The following FBXW10 variants were observed in gnomAD, a reference collection of about 807,000 sequenced individuals.
The protein encoded by FBXW10 is F-box and WD repeat domain containing 10.
Under a neutral mutation model 113.1 loss-of-function variants are expected in FBXW10, and 68 were observed. The ratio of observed to expected loss-of-function variants is 0.60; its 90% CI spans 0.49 to 0.74. The LOEUF (loss-of-function observed/expected upper bound fraction) is 0.74. Ranked by LOEUF, FBXW10 falls within the 30% of genes least tolerant of loss-of-function variation. The pLI, the probability that FBXW10 is intolerant of heterozygous loss-of-function variation, is 0.00. For missense variants in FBXW10, 753 were observed against 1,284.5 expected (o/e 0.59, Z 6.32); for synonymous variants, 289 against 481.6 (o/e 0.60, Z 5.24).
In FBXW10 at chr17:18,744,461, T is replaced by C. The variant is rs776223797; in HGVS notation, c.217T>C (p.Phe73Leu). The C allele has an allele frequency of 1.9e-5, 30 of 1,613,604 alleles. No homozygotes were observed. In the East Asian group the frequency reaches 6.0e-4, roughly 32 times the overall value. ...AAATAGCTTATATTTGTTACACTAT[T>C]TCCAAAATATCCTTCAGACCACACA... ...QLNSLYLLHY[F>L]QNILQTTQGK... Residue 73 changes from phenylalanine (F) to leucine (L), a missense_variant, in exon 1 of 14, where the codon TTC (phenylalanine) becomes CTC (leucine). Physicochemically the swap from Phe to Leu is conservative, Grantham distance 22. Coordinates refer to ENST00000395665, the MANE Select transcript of FBXW10 (RefSeq NM_001267585.2).
rs1391073746 is a variant in FBXW10 at position 18,766,736 on chromosome 17, G to A, written c.1578G>A (p.Lys526=). The A allele has an allele frequency of 6.2e-7, 1 of 1,613,616 alleles. No homozygotes were observed. The highest frequency in any genetic ancestry group is 8.5e-7 in the Non-Finnish European group (1 of 1,179,720). The change falls in exon 9 of 14, where the codon AAG becomes AAA. Residue 526 remains lysine (K), a synonymous_variant. Transcript: ENST00000395665. ...QVKVWDVDTG[K]CLKTFRHKDP... ...CAGTATGGGATGTAGACACAGGGAA[G>A]TGCCTGAAGACGTTTAGACACAAAG...
At chr17:18,766,640 G>T (rs1353827406) in intron 8 of FBXW10, 74 bp from the exon 9 acceptor site, 6 of 1,509,828 alleles carry the variant, frequency 4.0e-6, no homozygotes, top group Non-Finnish European at 5.4e-6. Flanking sequence ...ATGGGGAGCA[G>T]AACTCCACTG....
chr17:18,744,262 A>G lies in FBXW10; in HGVS notation c.18A>G (p.Ser6=), dbSNP rs759102264. The change falls in exon 1 of 14, where the codon TCA becomes TCG. Residue 6 remains serine, a synonymous_variant. Coordinates refer to ENST00000395665, the MANE Select transcript of FBXW10 (RefSeq NM_001267585.2). ...TTAGGATCATGGAAAACCTGGAATC[A>G]AGGCTCAAGAATGCCCCCTATTTTC... MENLE[S]RLKNAPYFRC... 1.9e-6 allele frequency: 3 copies of G among 1,581,426 alleles called. No homozygotes were observed. The highest frequency in any genetic ancestry group is 2.7e-5 in the African/African-American group (2 of 72,918).
intron 13 of FBXW10, among the ~76,000 whole-genome samples, chr17:18,776,021 GA>G (rs71954242): frequency 3.3e-4 from 47 of 143,910 alleles, no homozygotes; most frequent in South Asian, 1.1e-3. Context: ...TTAAAGAAAA[GA>G]AAAAAAAAAA....
chr17:18,754,057 G>A (rs2035217691), intron 5 of FBXW10, among the ~76,000 whole-genome samples: 1 of 152,168 alleles, frequency 6.6e-6, no homozygotes, highest in Non-Finnish European at 1.5e-5. Flanking sequence ...GATGCCCGCA[G>A]CTCTGCATAC....
At chr17:18,753,266 A>G (rs2035203368) in intron 5 of FBXW10, among the ~76,000 whole-genome samples, 2 of 152,098 alleles carry the variant, frequency 1.3e-5, no homozygotes, top group African/African-American at 2.4e-5. Flanking sequence ...TCATGAGCAC[A>G]TTCCTTTCCA....
chr17:18,766,309 CTTTTT>C (rs766966483), intron 8 of FBXW10, among the ~76,000 whole-genome samples: 4 of 132,846 alleles, frequency 3.0e-5, no homozygotes, highest in Non-Finnish European at 6.5e-5. Flanking sequence ...CCATGATTTT[CTTTTT>C]TTTTTTTTAA....
In FBXW10 at chr17:18,775,166, G is replaced by T; in HGVS notation, c.2309G>T (p.Gly770Val). The change falls in exon 13 of 14, where the codon GGA becomes GTA. Residue 770 changes from glycine (G) to valine (V), a missense_variant. Coordinates refer to ENST00000395665, the MANE Select transcript of FBXW10 (RefSeq NM_001267585.2). ...AVLIEELQSQ[G>V]KSKSPRRDAD... is the part of the protein sequence containing the mutation. ...TTAATAGAGGAACTTCAAAGTCAAG[G>T]AAAGTCAAAATCACCCCGAAGAGAT... The T allele has an allele frequency of 6.2e-7, 1 of 1,611,278 alleles. No individual in the cohort carries two copies. Among genetic ancestry groups the T allele is most frequent in the East Asian group, 2.2e-5 (1 of 44,852 alleles).
rs147905984 is a variant in FBXW10 at position 18,756,066 on chromosome 17, G to A, written c.1144G>A (p.Ala382Thr). Residue 382 changes from alanine to threonine, a missense_variant, in exon 6 of 14, where the codon GCA (alanine) becomes ACA (threonine). Ala to Thr is a moderately conservative substitution (Grantham distance 58). Transcript: ENST00000395665. ...RTKNEYNLWT[A>T]YQNEETQQVL... ...TTAGAATGAGTACAACCTGTGGACT[G>A]CATACCAGAACGAGGAAACGCAGCA... The A allele has an allele frequency of 1.2e-6, 2 of 1,613,928 alleles. No homozygotes were observed. Among genetic ancestry groups the A allele is most frequent in the African/African-American group, 1.3e-5 (1 of 75,040 alleles).
chr17:18,770,295 G>C (rs1459845261), intron 11 of FBXW10, among the ~76,000 whole-genome samples: 1 of 127,210 alleles, frequency 7.9e-6, no homozygotes, highest in Non-Finnish European at 1.6e-5. Flanking sequence ...GCAATCAACT[G>C]TTCATTTTGA....
chr17:18,762,318 C>CTTTTTTTTTT (rs879044366), intron 7 of FBXW10, among the ~76,000 whole-genome samples: 1 of 136,710 alleles, frequency 7.3e-6, no homozygotes, highest in Non-Finnish European at 1.6e-5. Context: ...AATATATTAT[C>CTTTTTTTTTT]TTTTTTTTTT....
At chr17:18,761,421 A>T (rs2035383363) in intron 7 of FBXW10, among the ~76,000 whole-genome samples, 1 of 151,780 alleles carries the variant, frequency 6.6e-6, no homozygotes, top group Non-Finnish European at 1.5e-5. Flanking sequence ...ACCCGCCACC[A>T]CGCCTGGCTA....
intron 5 of FBXW10, among the ~76,000 whole-genome samples, chr17:18,753,060 C>T (rs768040976): frequency 4.6e-5 from 7 of 152,158 alleles, no homozygotes; most frequent in Non-Finnish European, 8.8e-5. Context: ...GGACAAACAC[C>T]GCCACTTTAA....
chr17:18,753,999 G>A (rs2035216586), intron 5 of FBXW10, among the ~76,000 whole-genome samples: 1 of 152,216 alleles, frequency 6.6e-6, no homozygotes, highest in Non-Finnish European at 1.5e-5. Flanking sequence ...GCGGAGGTGA[G>A]TGCTTCTCAG....
intron 2 of FBXW10, among the ~76,000 whole-genome samples, chr17:18,749,132 T>G (rs1390090894): frequency 6.6e-6 from 1 of 152,218 alleles, no homozygotes; most frequent in Non-Finnish European, 1.5e-5. Context: ...AAATTTTTTC[T>G]TGTTGGAGTA....
At chr17:18,759,551 G>A (rs2035337974) in intron 7 of FBXW10, among the ~76,000 whole-genome samples, 1 of 152,064 alleles carries the variant, frequency 6.6e-6, no homozygotes, top group African/African-American at 2.4e-5. Flanking sequence ...TATTAAATTG[G>A]ATGATTGTAT....
At chr17:18,745,598 T>G in intron 1 of FBXW10, among the ~76,000 whole-genome samples, 1 of 151,996 alleles carries the variant, frequency 6.6e-6, no homozygotes, top group Non-Finnish European at 1.5e-5. Flanking sequence ...TATTTTTTAG[T>G]AGAGATGGGG....
chr17:18,765,220 C>A (rs1182535926), intron 8 of FBXW10, among the ~76,000 whole-genome samples: 2 of 152,194 alleles, frequency 1.3e-5, no homozygotes, highest in African/African-American at 4.8e-5. Context: ...CCATGAACAA[C>A]AATGGCTGCC....
intron 12 of FBXW10, among the ~76,000 whole-genome samples, chr17:18,773,102 A>AT (rs879388214): frequency 8.2e-4 from 120 of 146,256 alleles, no homozygotes; most frequent in Admixed American, 1.1e-3. Flanking sequence ...CTAATTTTGT[A>AT]TTTTTTTTTT....
Sources: gnomAD v4.1 joint callset for allele counts (sites outside exome capture counted in the v4.1 genomes callset) on GRCh38, gnomAD v4.1.1 for gene constraint, MANE v1.5 for transcripts, NCBI Gene and HGNC (gene_info 2026-07-23, HGNC 2026-07-21) for gene names.